The following POLQ variants were observed in gnomAD, a reference collection of about 807,000 sequenced individuals.
The protein encoded by POLQ is DNA polymerase theta.
A neutral mutation model predicts 259.2 loss-of-function variants in POLQ; 233 were observed. The ratio of observed to expected loss-of-function variants is 0.90; its 90% confidence interval spans 0.81 to 1.00. The LOEUF is 1.00. Ranked by LOEUF, POLQ falls within the 50% of genes least tolerant of loss-of-function variation. POLQ has a pLI of 0.00. For missense variants in POLQ, 2,871 were observed against 3,051.6 expected (o/e 0.94, Z 1.39); for synonymous variants, 1,025 against 1,048.8 (o/e 0.98, Z 0.44).
At chr3:121,447,602 T>C (rs2047642480) in intron 26 of POLQ, among the ~76,000 whole-genome samples, 1 of 152,232 alleles carries the variant, frequency 6.6e-6, no homozygotes, top group Non-Finnish European at 1.5e-5. Context: ...TGCAATGTTA[T>C]AATAGTCTGT....
In POLQ at chr3:121,442,008, T is replaced by G. The variant is rs140513800; in HGVS notation, c.7265-1892A>C. ...CTTTGGTAAAGTGTCTCTTCAAATT[T>G]TCTGACTTTTAATTTATCGGATCGT... On this transcript the variant is annotated intron_variant, in intron 26 of 29. Coordinates refer to ENST00000264233, the MANE Select transcript of POLQ (RefSeq NM_199420.4). 3.0e-3 allele frequency among the ~76,000 whole-genome samples: 458 copies of G among 152,336 alleles called. 2 individuals carry two copies. The highest frequency in any genetic ancestry group is 2.4e-3 in the Non-Finnish European group (160 of 68,028).
chr3:121,490,028 G>T lies in POLQ; in HGVS notation c.2903C>A (p.Ser968Tyr). The T allele has an allele frequency of 6.4e-7, 1 of 1,571,214 alleles. No individual in the cohort carries two copies. The highest frequency in any genetic ancestry group is 1.2e-5 in the South Asian group (1 of 82,242). Residue 968 changes from serine (S) to tyrosine (Y), a missense_variant, in exon 16 of 30, where the codon TCC becomes TAC. Physicochemically the swap from Ser to Tyr is moderately radical, Grantham distance 144 (BLOSUM62 -2). Around this residue, in one of 3 missense-constraint regions of POLQ, gnomAD observed 2,080 missense variants for 2,126.0 expected, o/e 0.98. Coordinates refer to ENST00000264233, the MANE Select transcript of POLQ (RefSeq NM_199420.4). ...DLNKSREHTS[S>Y]FNCNFQNGNQ... ...CCCATTCTGGAAATTACAATTAAAG[G>T]AACTTGTATGCTCTCTACTTTTATT...
Position 121,485,254 on chromosome 3 carries a change from A to G in POLQ, c.5630-70T>C, listed in dbSNP as rs545948882. The G allele has an allele frequency of 4.6e-6, 5 of 1,085,678 alleles. No individual in the cohort carries two copies. The East Asian group carries it at 1.3e-4, about 29-fold the overall frequency. 67.3% of individuals were successfully genotyped at this position (1,085,678 alleles called of 1,614,324 possible). ...AGACATTACATAAATTGTTAAAACAATTATAATAAAAAACCTATCTTTGAT... is the reference window on the plus strand; with the variant it reads ...AGACATTACATAAATTGTTAAAACAGTTATAATAAAAAACCTATCTTTGAT... On this transcript the variant is annotated intron_variant, in intron 16 of 29. Transcript: ENST00000264233.
At chr3:121,473,988 A>G (rs556763905) in intron 20 of POLQ, among the ~76,000 whole-genome samples, 1 of 152,200 alleles carries the variant, frequency 6.6e-6, no homozygotes, top group Non-Finnish European at 1.5e-5. Flanking sequence ...CAGCCTCCCA[A>G]AGTGGTGGGA....
At position 121,483,504 on chromosome 3, in the gene POLQ, C is replaced by A. The variant is rs993994431; in HGVS notation, c.5852G>T (p.Cys1951Phe). Residue 1951 changes from cysteine (C) to phenylalanine (F), a missense_variant, in exon 18 of 30, where the codon TGC becomes TTC. Coordinates refer to ENST00000264233, the MANE Select transcript of POLQ (RefSeq NM_199420.4). ...TTCTTTATCAGATTCCTTTCGCAAG[C>A]AAGATTGAAGGTACCACATCCTGTC... ...LKDRMWYLQSCLRKESDKECS... is the reference protein window; with the variant it reads ...LKDRMWYLQSFLRKESDKECS... The A allele has an allele frequency of 6.2e-7, 1 of 1,605,800 alleles. No homozygotes were observed. Among genetic ancestry groups the A allele is most frequent in the East Asian group, 2.2e-5 (1 of 44,488 alleles).
Position 121,481,789 on chromosome 3 carries a change from T to C in POLQ, c.5994A>G (p.Pro1998=), listed in dbSNP as rs1576411901. 1.9e-6 allele frequency: 3 copies of C among 1,612,018 alleles called. No individual in the cohort carries two copies. Among genetic ancestry groups the C allele is most frequent in the Admixed American group, 3.3e-5 (2 of 59,766 alleles). The change falls in exon 19 of 30, where the codon CCA becomes CCG. Residue 1998 remains proline, a synonymous_variant. Coordinates refer to ENST00000264233, the MANE Select transcript of POLQ (RefSeq NM_199420.4). The stretch of plus-strand genomic sequence containing the variant: ...TATGAAGAGTCGGCTCCTGAGAATC[T>C]GGATCTAGTAACCAGCATGCCACCT... ...DPKVACWLLD[P]DSQEPTLHSI... is the part of the protein sequence containing the mutation.
At chr3:121,506,577 T>C (rs1253657930) in intron 12 of POLQ, among the ~76,000 whole-genome samples, 1 of 152,220 alleles carries the variant, frequency 6.6e-6, no homozygotes, top group Non-Finnish European at 1.5e-5. Flanking sequence ...AGTTTGACCA[T>C]ATACTCTCTA....
intron 7 of POLQ, among the ~76,000 whole-genome samples, chr3:121,524,946 A>ACG (rs1420073658): frequency 6.7e-6 from 1 of 148,162 alleles, no homozygotes; most frequent in African/African-American, 2.6e-5. Context: ...ATACACACAC[A>ACG]CACACACACA....
chr3:121,508,496 T>G (rs961211006), intron 12 of POLQ, among the ~76,000 whole-genome samples: 1 of 152,198 alleles, frequency 6.6e-6, no homozygotes, highest in Non-Finnish European at 1.5e-5. Flanking sequence ...TACTAAGTGA[T>G]GAGGCCAAAA....
At chr3:121,541,952 C>G (rs925116697) in intron 2 of POLQ, among the ~76,000 whole-genome samples, 1 of 151,660 alleles carries the variant, frequency 6.6e-6, no homozygotes, top group Non-Finnish European at 1.5e-5. Context: ...TGGTAAAACC[C>G]CATCTCTATT....
intron 20 of POLQ, 85 bp downstream of exon 20, chr3:121,476,455 T>A: frequency 2.8e-6 from 2 of 726,918 alleles, no homozygotes; most frequent in South Asian, 2.4e-5. Flanking sequence ...TTCAGGTAAA[T>A]ACACACACAC....
rs375016785 is a variant in POLQ, at chr3:121,467,799, G to A, written c.6846-159C>T. On this transcript the variant is annotated intron_variant, in intron 23 of 29. Transcript: ENST00000264233. ...CTCACACCTGTAATACCAGCACTTT[G>A]GGAAGCCGAGGCGAGTAGATTGCTT... Among the ~76,000 whole-genome samples the A allele has an allele frequency of 4.6e-5, 7 of 152,308 alleles. No individual in the cohort carries two copies. The East Asian group carries it at 9.6e-4, about 21-fold the overall frequency.
At chr3:121,493,405 C>A in intron 15 of POLQ, 73 bp downstream of exon 15, 1 of 1,124,670 alleles carries the variant, frequency 8.9e-7, no homozygotes, top group Non-Finnish European at 1.3e-6. Context: ...AACTTTAATA[C>A]ATTATCTATT....
rs769725108 is a variant in POLQ, at chr3:121,533,210, C to T, written c.741-1G>A. Reference sequence around the variant, plus strand: ...CAGAGAACTGGCTAGATCTGCCTGACTGTAAAAAAACAAATGAAAAGAACA... The same window carrying T: ...CAGAGAACTGGCTAGATCTGCCTGATTGTAAAAAAACAAATGAAAAGAACA... On this transcript the variant is annotated splice_acceptor_variant, in intron 5 of 29. Transcript: ENST00000264233. LOFTEE classifies it high-confidence loss of function. 5 of 1,547,900 alleles carry T rather than the reference C, an allele frequency of 3.2e-6. No homozygotes were observed. In the East Asian group the frequency reaches 1.1e-4, roughly 35 times the overall value.
intron 9 of POLQ, among the ~76,000 whole-genome samples, chr3:121,516,648 C>G (rs2048299230): frequency 6.6e-6 from 1 of 152,154 alleles, no homozygotes; most frequent in South Asian, 2.1e-4. Context: ...GCACCAAGCA[C>G]CATCATCCTA....
In POLQ at chr3:121,432,072, G is replaced by C; in HGVS notation, c.*232C>G. 2.5e-6 allele frequency: 1 copy of C among 401,180 alleles called. No homozygotes were observed. The highest frequency in any genetic ancestry group is 3.9e-5 in the East Asian group (1 of 25,622). 24.9% of individuals were successfully genotyped at this position (401,180 alleles called of 1,614,324 possible). On this transcript the variant is annotated 3_prime_UTR_variant, in exon 30 of 30. Transcript: ENST00000264233. ...AAAGGCAAATTCATAGATGCTCTTT[G>C]AAAGTGAATGTAACTATTATACTTG...
chr3:121,456,117 A>G (rs1311267619), intron 25 of POLQ, among the ~76,000 whole-genome samples: 1 of 152,206 alleles, frequency 6.6e-6, no homozygotes, highest in Non-Finnish European at 1.5e-5. Context: ...TATAAACAGA[A>G]ACAGAGAAAA....
intron 15 of POLQ, among the ~76,000 whole-genome samples, chr3:121,491,926 C>T (rs1351986676): frequency 6.6e-6 from 1 of 152,146 alleles, no homozygotes; most frequent in Non-Finnish European, 1.5e-5. Flanking sequence ...CTGCAGGAAA[C>T]CCTACTGTGA....
chr3:121,443,777 G>C (rs189665848), intron 26 of POLQ, among the ~76,000 whole-genome samples: 2 of 152,232 alleles, frequency 1.3e-5, no homozygotes, highest in African/African-American at 4.8e-5. Flanking sequence ...TATATATAGA[G>C]AGATAGGGGT....
Sources: allele counts gnomAD v4.1 joint callset (sites outside exome capture counted in the v4.1 genomes callset), GRCh38; gene constraint gnomAD v4.1.1; regional missense constraint gnomAD v4.1.1; transcripts MANE v1.5; gene names NCBI Gene and HGNC (gene_info 2026-07-23, HGNC 2026-07-21).